TMEM71: variants seen among roughly 807,000 people sequenced by gnomAD.
TMEM71 encodes transmembrane protein 71.
Under a neutral mutation model 38.0 loss-of-function variants are expected in TMEM71, and 44 were observed. The observed-to-expected ratio is 1.16, with a 90% CI of 0.91 to 1.49. The LOEUF is 1.49. TMEM71 is among the 40% of genes most tolerant of loss of function. The pLI, the probability that TMEM71 is intolerant of heterozygous loss-of-function variation, is 0.00. For synonymous variants in TMEM71, 133 were observed against 122.5 expected, an observed-to-expected ratio of 1.09 and a Z score of -0.56; for missense variants, 367 against 348.6, an observed-to-expected ratio of 1.05 and a Z score of -0.42.
the TMEM71 span, among the ~76,000 whole-genome samples, chr8:132,766,618 G>A: frequency 3.3e-5 from 5 of 151,952 alleles, no homozygotes; most frequent in Non-Finnish European, 7.4e-5. Context: ...TGGGCAACAT[G>A]AGGAAACCTT....
chr8:132,770,094 C>T, the TMEM71 span, among the ~76,000 whole-genome samples: 2 of 152,130 alleles, frequency 1.3e-5, no homozygotes, highest in African/African-American at 2.4e-5. Context: ...GGGGATTGTA[C>T]GTTGTAGAGA....
At chr8:132,722,990 C>T (rs1826938382) in intron 6 of TMEM71, among the ~76,000 whole-genome samples, 1 of 152,172 alleles carries the variant, frequency 6.6e-6, no homozygotes, top group African/African-American at 2.4e-5. Context: ...TTGCCAAATG[C>T]TTCAAAAGCT....
chr8:132,759,014 T>A, intron 1 of TMEM71, 99 bp from the exon 2 acceptor site: 1 of 721,886 alleles, frequency 1.4e-6, no homozygotes, highest in South Asian at 1.6e-5. Context: ...CAGATTTGTT[T>A]ACTGAAATAA....
At chr8:132,717,853 A>G (rs1022331177) in intron 7 of TMEM71, among the ~76,000 whole-genome samples, 5 of 152,230 alleles carry the variant, frequency 3.3e-5, no homozygotes, top group Non-Finnish European at 7.3e-5. Flanking sequence ...ATGCCCATCA[A>G]CTGACGAATG....
chr8:132,753,017 A>T (rs1224929047), intron 3 of TMEM71, among the ~76,000 whole-genome samples: 5 of 151,940 alleles, frequency 3.3e-5, no homozygotes, highest in African/African-American at 1.2e-4. Flanking sequence ...TGGAGAAAAG[A>T]ATATGTTATG....
chr8:132,765,924 G>T, the TMEM71 span, among the ~76,000 whole-genome samples: 1 of 151,982 alleles, frequency 6.6e-6, no homozygotes, highest in African/African-American at 2.4e-5. Flanking sequence ...GAGTAGCTGG[G>T]ATTACAGGCA....
intron 2 of TMEM71, 161 bp downstream of exon 2, chr8:132,758,678 GA>G: frequency 1.7e-6 from 1 of 587,814 alleles, no homozygotes; most frequent in Non-Finnish European, 3.0e-6. Context: ...GGAAAAAAAT[GA>G]AGTTAAAATC....
intron 7 of TMEM71, among the ~76,000 whole-genome samples, chr8:132,715,224 G>A (rs964700784): frequency 3.3e-5 from 5 of 151,018 alleles, no homozygotes; most frequent in African/African-American, 9.8e-5. Flanking sequence ...GGCTAACACG[G>A]TGAAACCCTG....
chr8:132,711,959 CTT>C (rs954033375), intron 9 of TMEM71, among the ~76,000 whole-genome samples: 1 of 151,860 alleles, frequency 6.6e-6, no homozygotes, highest in African/African-American at 2.4e-5. Flanking sequence ...ATAACCATAT[CTT>C]TGGTTTATTA....
chr8:132,770,769 G>A, the TMEM71 span, among the ~76,000 whole-genome samples: 16 of 152,174 alleles, frequency 1.1e-4, no homozygotes, highest in South Asian at 4.1e-4. Context: ...CACACACTGC[G>A]GGTCTGAATA....
rs554612375 is a variant in TMEM71, at chr8:132,753,100, C to T, written c.102-1103G>A. Among the ~76,000 whole-genome samples the T allele has an allele frequency of 2.6e-5, 4 of 152,000 alleles. No homozygotes were observed. In the South Asian group the frequency reaches 8.3e-4, roughly 32 times the overall value. On this transcript the variant is annotated intron_variant, in intron 3 of 9. Coordinates refer to ENST00000677595, the MANE Select transcript of TMEM71 (RefSeq NM_001382403.1). ...AAAAATTATTTCTCTTTGTCCTAAA[C>T]CCCAGCTAATCTCACTGTGATTTTT...
downstream of TMEM71, among the ~76,000 whole-genome samples, chr8:132,709,417 C>T (rs1826140890): frequency 6.6e-6 from 1 of 152,092 alleles, no homozygotes; most frequent in South Asian, 2.1e-4. Flanking sequence ...CTAATGGTCC[C>T]CCAAAATAGC....
the TMEM71 span, among the ~76,000 whole-genome samples, chr8:132,770,599 A>G: frequency 0.33 from 50,553 of 152,078 alleles, 8,601 homozygotes; most frequent in South Asian, 0.46. Context: ...CTAAACCTTA[A>G]GAAGTAGAGT....
In TMEM71 at chr8:132,734,176, G is replaced by A. The variant is rs79553503; in HGVS notation, c.488-6190C>T. ...CTTACACACACACACACACACACACGCATACACATACACACACACACAGAG... is the reference window on the plus strand; with the variant it reads ...CTTACACACACACACACACACACACACATACACATACACACACACACAGAG... On this transcript the variant is annotated intron_variant, in intron 5 of 9. Coordinates refer to ENST00000677595, the MANE Select transcript of TMEM71 (RefSeq NM_001382403.1). Among the ~76,000 whole-genome samples, 609 of 148,220 alleles carry A rather than the reference G, an allele frequency of 4.1e-3. 4 individuals carry two copies. Among genetic ancestry groups the A allele is most frequent in the African/African-American group, 0.014 (576 of 40,542 alleles).
At chr8:132,732,163 T>A (rs796584294) in intron 5 of TMEM71, among the ~76,000 whole-genome samples, 14 of 152,174 alleles carry the variant, frequency 9.2e-5, no homozygotes, top group Non-Finnish European at 1.8e-4. Context: ...TAGGATGCAA[T>A]GAGGTAATTG....
intron 2 of TMEM71, chr8:132,758,609 A>T (rs1829160416): frequency 1.8e-5 from 8 of 445,254 alleles, no homozygotes; most frequent in Non-Finnish European, 3.2e-5. Flanking sequence ...ACAGGCATCT[A>T]AAAAAAAACG....
intron 2 of TMEM71, chr8:132,758,124 A>G (rs1030958970): frequency 9.9e-5 from 15 of 152,232 alleles, no homozygotes; most frequent in African/African-American, 3.6e-4. Context: ...ACATTTTTCC[A>G]AAGTATAAAG....
At chr8:132,718,102 G>A (rs1826631457) in intron 7 of TMEM71, among the ~76,000 whole-genome samples, 2 of 152,176 alleles carry the variant, frequency 1.3e-5, no homozygotes, top group Admixed American at 1.3e-4. Context: ...GGAAAGGAGA[G>A]TAACTGCTAA....
At chr8:132,735,684 T>C (rs1184495577) in intron 5 of TMEM71, among the ~76,000 whole-genome samples, 1 of 152,182 alleles carries the variant, frequency 6.6e-6, no homozygotes, top group Non-Finnish European at 1.5e-5. Flanking sequence ...TTTGAAATTG[T>C]TTGGACATAT....
Sources: gnomAD v4.1 joint callset for allele counts (sites outside exome capture counted in the v4.1 genomes callset) on GRCh38, gnomAD v4.1.1 for gene constraint, MANE v1.5 for transcripts, NCBI Gene and HGNC (gene_info 2026-07-23, HGNC 2026-07-21) for gene names.